FREM2: variants seen among roughly 807,000 people sequenced by gnomAD.
The protein encoded by FREM2 is FRAS1-related extracellular matrix protein 2.
In FREM2, 119 loss-of-function variants were observed where a neutral mutation model predicts 219.9. The ratio of observed to expected loss-of-function variants is 0.54; its 90% CI spans 0.47 to 0.63. The LOEUF (loss-of-function observed/expected upper bound fraction) is 0.63. Ranked by LOEUF, FREM2 falls within the 30% of genes least tolerant of loss-of-function variation. The pLI, the probability that FREM2 is intolerant of heterozygous loss-of-function variation, is 0.00. For synonymous variants in FREM2, 1,562 were observed against 1,522.8 expected (o/e 1.03, Z -0.60); for missense variants, 4,030 against 3,993.6 (o/e 1.01, Z -0.25).
intron 4 of FREM2, 72 bp from the exon 5 acceptor site, chr13:38,782,998 A>G: frequency 6.5e-7 from 1 of 1,539,698 alleles, no homozygotes; most frequent in Non-Finnish European, 9.0e-7. Flanking sequence ...GAGAAATTTT[A>G]ATTCTGTATG....
At position 38,851,762 on chromosome 13, in the gene FREM2, A is replaced by C. The variant is rs202205485; in HGVS notation, c.6819A>C (p.Arg2273Ser). The C allele has an allele frequency of 5.5e-5, 88 of 1,613,686 alleles. No homozygotes were observed. Among genetic ancestry groups the C allele is most frequent in the Non-Finnish European group, 7.0e-5 (82 of 1,179,772 alleles). Residue 2273 changes from arginine (R) to serine (S), a missense_variant, in exon 11 of 24, where the codon AGA becomes AGC. Physicochemically the swap from Arg to Ser is moderately radical, Grantham distance 110. Coordinates refer to ENST00000280481, the MANE Select transcript of FREM2 (RefSeq NM_207361.6). ...PKEPGESVVI[R>S]IPVIRQGDTS... ...AACCTGGAGAGTCGGTGGTTATAAG[A>C]ATTCCAGTGATTCGCCAAGGAGACA...
rs751667473 is a variant in FREM2 at position 38,690,589 on chromosome 13, A to C, written c.3245A>C (p.Lys1082Thr). 12 of 1,613,972 alleles carry C rather than the reference A, an allele frequency of 7.4e-6. No homozygotes were observed. The African/African-American group carries it at 9.3e-5, about 13-fold the overall frequency. Residue 1082 changes from lysine (K) to threonine (T), a missense_variant, in exon 1 of 24, where the codon AAA (lysine) becomes ACA (threonine). This residue lies in a region of FREM2 where 3,102 missense variants were observed against 2,950.7 expected (regional missense o/e 1.05). Transcript: ENST00000280481. The stretch of plus-strand genomic sequence containing the variant: ...CAGTTGATAGTAATGGAAGGTGATA[A>C]AAGTGTTATAACATCAGTGCATATA... ...GEQLIVMEGD[K>T]SVITSVHISA...
At chr13:38,729,875 A>G (rs1175358465) in intron 2 of FREM2, among the ~76,000 whole-genome samples, 2 of 152,246 alleles carry the variant, frequency 1.3e-5, no homozygotes, top group African/African-American at 4.8e-5. Flanking sequence ...CTGTAAATAT[A>G]AAGTAGTTTT....
At chr13:38,757,616 A>G (rs1873066222) in intron 2 of FREM2, among the ~76,000 whole-genome samples, 1 of 148,762 alleles carries the variant, frequency 6.7e-6, no homozygotes, top group Admixed American at 6.7e-5. Context: ...TTTTTTTTAC[A>G]TGATGTCTTG....
intron 6 of FREM2, among the ~76,000 whole-genome samples, chr13:38,804,355 A>T (rs971324799): frequency 6.6e-6 from 1 of 151,392 alleles, no homozygotes; most frequent in Non-Finnish European, 1.5e-5. Flanking sequence ...AAAAATGTAG[A>T]TATTATAGTC....
At position 38,876,242 on chromosome 13, in the gene FREM2, T is replaced by C; in HGVS notation, c.8410-6T>C. 1.2e-6 allele frequency: 2 copies of C among 1,614,054 alleles called. No individual in the cohort carries two copies. Among genetic ancestry groups the C allele is most frequent in the South Asian group, 2.2e-5 (2 of 91,072 alleles). On this transcript the variant is annotated splice_region_variant and splice_polypyrimidine_tract_variant and intron_variant, in intron 19 of 23. Coordinates refer to ENST00000280481, the MANE Select transcript of FREM2 (RefSeq NM_207361.6). ...AATGTAATATATCAATATCTTCTCC[T>C]CAAAGGTACGTGACTACTCAGGGAC...
intron 6 of FREM2, among the ~76,000 whole-genome samples, chr13:38,844,484 C>T (rs61947988): frequency 1.3e-5 from 2 of 152,114 alleles, no homozygotes; most frequent in African/African-American, 2.4e-5. Flanking sequence ...AGTAAAACTA[C>T]GTGTTTTGGA....
chr13:38,757,863 C>G (rs1873076956), intron 2 of FREM2, among the ~76,000 whole-genome samples: 1 of 152,172 alleles, frequency 6.6e-6, no homozygotes, highest in Admixed American at 6.5e-5. Flanking sequence ...GCTGGGATTA[C>G]AGGCATAAGC....
chr13:38,692,007 G>C lies in FREM2; in HGVS notation c.4663G>C (p.Glu1555Gln). 1 of 1,614,216 alleles carries C rather than the reference G, an allele frequency of 6.2e-7. No homozygotes were observed. The highest frequency in any genetic ancestry group is 8.5e-7 in the Non-Finnish European group (1 of 1,180,048). ...TGAAAACAAGCTGATTACTCCTTTTGAGCTCACTGTCGAAGACAGAGATAC... is the reference window on the plus strand; with the variant it reads ...TGAAAACAAGCTGATTACTCCTTTTCAGCTCACTGTCGAAGACAGAGATAC... The part of the protein sequence containing the change: ...ESENKLITPF[E>Q]LTVEDRDTPD... The change falls in exon 1 of 24, where the codon GAG becomes CAG. Residue 1555 changes from glutamate (E) to glutamine (Q), a missense_variant. Glu to Gln is a conservative substitution (Grantham distance 29). This residue lies in a region of FREM2 where 3,102 missense variants were observed against 2,950.7 expected (regional missense o/e 1.05). Transcript: ENST00000280481.
chr13:38,872,721 G>A (rs1593457008), intron 16 of FREM2, 21 bp from the exon 17 acceptor site: 1 of 1,607,782 alleles, frequency 6.2e-7, no homozygotes, highest in Admixed American at 1.7e-5. Context: ...CATGTTGATT[G>A]ATGTAATTTT....
Position 38,878,964 on chromosome 13 carries a change from C to A in FREM2, c.8993C>A (p.Thr2998Lys). Residue 2998 changes from threonine to lysine, a missense_variant, in exon 23 of 24, where the codon ACA (threonine) becomes AAA (lysine). By Grantham distance (78) the Thr-to-Lys change is moderately conservative. Coordinates refer to ENST00000280481, the MANE Select transcript of FREM2 (RefSeq NM_207361.6). ...PGSDGFKVDS[T>K]PLFQVALGRE... ...TCTGATGGATTTAAAGTCGACTCAA[C>A]ACCACTCTTTCAGGTAGGCCAAAAA... 6.2e-7 allele frequency: 1 copy of A among 1,614,166 alleles called. No individual in the cohort carries two copies. Among genetic ancestry groups the A allele is most frequent in the Non-Finnish European group, 8.5e-7 (1 of 1,180,000 alleles).
At chr13:38,750,055 A>G (rs1593383196) in intron 2 of FREM2, among the ~76,000 whole-genome samples, 1 of 152,200 alleles carries the variant, frequency 6.6e-6, no homozygotes, top group South Asian at 2.1e-4. Context: ...TTTTACCTGT[A>G]TGTAGTATGC....
chr13:38,822,157 A>G (rs1876083678), intron 6 of FREM2: 1 of 152,118 alleles, frequency 6.6e-6, no homozygotes, highest in Non-Finnish European at 1.5e-5. Flanking sequence ...ACCTTTTTAA[A>G]AAGCAAGAAT....
At chr13:38,804,737 G>A (rs534028505) in intron 6 of FREM2, among the ~76,000 whole-genome samples, 3 of 152,246 alleles carry the variant, frequency 2.0e-5, no homozygotes, top group Admixed American at 2.0e-4. Context: ...GAAGAATAAG[G>A]CTACGTATTG....
Position 38,784,808 on chromosome 13 carries a change from G to T in FREM2, c.6019G>T (p.Glu2007Ter). ...QVTIVPDKDD[E>*]PIFYFGDVEY... ...TACAATCGTTCCTGACAAAGATGAT[G>T]GTGAGTACTAATTTACTTGAAAATT... Residue 2007 changes from glutamate to a stop codon, truncating the protein, a stop_gained and splice_region_variant, in exon 6 of 24, where the codon GAA becomes TAA. Coordinates refer to ENST00000280481, the MANE Select transcript of FREM2 (RefSeq NM_207361.6). LOFTEE classifies it high-confidence loss of function. 6.2e-7 allele frequency: 1 copy of T among 1,613,966 alleles called. No homozygotes were observed. Among genetic ancestry groups the T allele is most frequent in the Non-Finnish European group, 8.5e-7 (1 of 1,179,978 alleles).
At chr13:38,796,709 A>C (rs1189014025) in intron 6 of FREM2, among the ~76,000 whole-genome samples, 2 of 152,182 alleles carry the variant, frequency 1.3e-5, no homozygotes, top group African/African-American at 4.8e-5. Flanking sequence ...TGCTATTATA[A>C]ATAGTGCTGC....
intron 2 of FREM2, among the ~76,000 whole-genome samples, chr13:38,745,265 GA>G (rs998382176): frequency 1.3e-5 from 2 of 152,046 alleles, no homozygotes; most frequent in African/African-American, 2.4e-5. Context: ...ATATTAAAAA[GA>G]AAAGCTTTGC....
Position 38,880,537 on chromosome 13 carries a change from T to C in FREM2, c.9260T>C (p.Ile3087Thr), listed in dbSNP as rs757067879. The change falls in exon 24 of 24, where the codon ATC becomes ACC. Residue 3087 changes from isoleucine to threonine, a missense_variant. Physicochemically the swap from Ile to Thr is moderately conservative, Grantham distance 89. Transcript: ENST00000280481. Reference sequence around the variant, plus strand: ...GCCCTGGACCGCACCAAGAGGCAGATCCCCCATGGGAGAGCACCTCCAGAT... The same window carrying C: ...GCCCTGGACCGCACCAAGAGGCAGACCCCCCATGGGAGAGCACCTCCAGAT... ...HIALDRTKRQIPHGRAPPDGI... is the reference protein window; with the variant it reads ...HIALDRTKRQTPHGRAPPDGI... 1 of 1,614,034 alleles carries C rather than the reference T, an allele frequency of 6.2e-7. No homozygotes were observed. The highest frequency in any genetic ancestry group is 8.5e-7 in the Non-Finnish European group (1 of 1,179,996).
intron 15 of FREM2, 99 bp downstream of exon 15, chr13:38,861,661 G>A (rs532954262): frequency 3.7e-6 from 5 of 1,347,400 alleles, no homozygotes; most frequent in East Asian, 4.6e-5. Flanking sequence ...TTAAATAAAC[G>A]TTCAATTTGC....
Sources: gnomAD v4.1 joint callset for allele counts (sites outside exome capture counted in the v4.1 genomes callset) on GRCh38, gnomAD v4.1.1 for gene constraint, gnomAD v4.1.1 regional missense constraint, MANE v1.5 for transcripts, NCBI Gene and HGNC (gene_info 2026-07-23, HGNC 2026-07-21) for gene names.